Variants in KCNH1 observed in about 807,000 individuals in gnomAD.
The protein encoded by KCNH1 is potassium voltage-gated channel subfamily H member 1.
A neutral mutation model predicts 69.2 loss-of-function variants in KCNH1; 27 were observed. That is an observed-to-expected ratio of 0.39 (90% CI 0.29 to 0.54). The LOEUF (loss-of-function observed/expected upper bound fraction) is 0.54, where lower values mean the gene tolerates loss of function less well. Among genes scored for constraint, KCNH1 ranks in the 20% least tolerant of loss-of-function variants. The pLI is 0.68. For missense variants in KCNH1, 798 were observed against 1,261.6 expected (o/e 0.63, Z 5.57); for synonymous variants, 456 against 487.7 (o/e 0.93, Z 0.86).
chr1:211,018,574 G>T (rs1319962544), intron 6 of KCNH1, among the ~76,000 whole-genome samples: 1 of 152,146 alleles, frequency 6.6e-6, no homozygotes, highest in Non-Finnish European at 1.5e-5. Flanking sequence ...TAAGCCTTTG[G>T]TCTCTTCCAC....
chr1:210,996,271 G>T (rs143783644), intron 6 of KCNH1, among the ~76,000 whole-genome samples: 1,773 of 152,232 alleles, frequency 0.012, 39 homozygotes, highest in African/African-American at 0.04. Context: ...TGGAAAATCG[G>T]GTCACTCCCA....
At chr1:210,782,891 G>C (rs145819738) in intron 9 of KCNH1, among the ~76,000 whole-genome samples, 1,903 of 152,318 alleles carry the variant, frequency 0.012, 44 homozygotes, top group African/African-American at 0.042. Flanking sequence ...GGACTTCCCA[G>C]CATCCAGAAC....
chr1:210,785,361 G>T (rs944691923), intron 9 of KCNH1, among the ~76,000 whole-genome samples: 2 of 151,578 alleles, frequency 1.3e-5, no homozygotes, highest in Non-Finnish European at 2.9e-5. Flanking sequence ...AAACTTCTTG[G>T]TAGTCTTATT....
intron 10 of KCNH1, among the ~76,000 whole-genome samples, chr1:210,693,975 T>C (rs1183324425): frequency 6.6e-6 from 1 of 152,192 alleles, no homozygotes; most frequent in Non-Finnish European, 1.5e-5. Context: ...GGAGCCTGCT[T>C]GCCCGCTTAT....
intron 7 of KCNH1, among the ~76,000 whole-genome samples, chr1:210,886,720 A>G (rs979793318): frequency 2.0e-5 from 3 of 152,064 alleles, no homozygotes; most frequent in African/African-American, 7.2e-5. Context: ...GATGGAACTG[A>G]AAAACACACC....
chr1:210,958,288 T>A (rs114773435), intron 6 of KCNH1, among the ~76,000 whole-genome samples: 1 of 152,230 alleles, frequency 6.6e-6, no homozygotes, highest in African/African-American at 2.4e-5. Context: ...GCTGTTAGTC[T>A]GACAGGCGTC....
intron 6 of KCNH1, among the ~76,000 whole-genome samples, chr1:210,960,103 ATTAC>A (rs1359451346): frequency 1.3e-5 from 2 of 152,234 alleles, no homozygotes; most frequent in Admixed American, 6.5e-5. Flanking sequence ...TATTAAATTT[ATTAC>A]TTAATGTTCA....
At chr1:210,894,210 T>C (rs1040961291) in intron 7 of KCNH1, among the ~76,000 whole-genome samples, 3 of 152,218 alleles carry the variant, frequency 2.0e-5, no homozygotes, top group Non-Finnish European at 4.4e-5. Flanking sequence ...AGCTTTATTC[T>C]GGAACACAGT....
At chr1:210,832,559 G>T (rs908939603) in intron 7 of KCNH1, among the ~76,000 whole-genome samples, 2 of 152,008 alleles carry the variant, frequency 1.3e-5, no homozygotes, top group Non-Finnish European at 2.9e-5. Context: ...TATTTTAAAA[G>T]ATAACCAGGA....
chr1:210,705,837 C>T (rs902014457), intron 10 of KCNH1, among the ~76,000 whole-genome samples: 1 of 152,180 alleles, frequency 6.6e-6, no homozygotes, highest in Admixed American at 6.5e-5. Context: ...TCCCCAGTAT[C>T]TGGGCACCTC....
chr1:211,045,041 G>GATATATAGATAGATATATATATATATAT (rs1164564038), intron 5 of KCNH1, among the ~76,000 whole-genome samples: 14 of 81,718 alleles, frequency 1.7e-4, no homozygotes, highest in Non-Finnish European at 3.7e-4. Context: ...AATTGTGGGG[G>GATATATAGATAGATATATATATATATAT]ATATATATAT....
chr1:210,690,979 C>T lies in KCNH1; in HGVS notation c.2113-6841G>A, dbSNP rs557840535. Among the ~76,000 whole-genome samples the T allele has an allele frequency of 2.0e-5, 3 of 152,326 alleles. No individual in the cohort carries two copies. In the East Asian group the frequency reaches 5.8e-4, roughly 29 times the overall value. On this transcript the variant is annotated intron_variant, in intron 10 of 10. Transcript: ENST00000271751. ...TCAGCATGGGGTGATGGCATGTGCA[C>T]ACGCTTTGGAAGTCAGGCGGACTTG... is the stretch of plus-strand genomic sequence containing the variant.
intron 6 of KCNH1, among the ~76,000 whole-genome samples, chr1:210,949,903 A>G (rs1416539739): frequency 2.0e-5 from 3 of 152,232 alleles, no homozygotes; most frequent in East Asian, 1.9e-4. Flanking sequence ...TCAGCTAGGT[A>G]TAAGGAGGAT....
chr1:211,003,181 G>A (rs1451875681), intron 6 of KCNH1, among the ~76,000 whole-genome samples: 1 of 152,126 alleles, frequency 6.6e-6, no homozygotes, highest in African/African-American at 2.4e-5. Context: ...GCTGACACCT[G>A]AACCACAGAT....
At chr1:211,123,346 C>T (rs1474534888) in intron 1 of KCNH1, among the ~76,000 whole-genome samples, 1 of 152,166 alleles carries the variant, frequency 6.6e-6, no homozygotes, top group East Asian at 1.9e-4. Context: ...GTATCTTTGA[C>T]CACCTTGTTT....
chr1:211,108,272 A>T (rs796358025), intron 1 of KCNH1, among the ~76,000 whole-genome samples: 49 of 152,272 alleles, frequency 3.2e-4, no homozygotes, highest in African/African-American at 1.1e-3. Context: ...AAATGTAATC[A>T]TTATTTTAGT....
intron 4 of KCNH1, among the ~76,000 whole-genome samples, chr1:211,084,559 G>C (rs1476357386): frequency 6.6e-6 from 1 of 152,176 alleles, no homozygotes; most frequent in South Asian, 2.1e-4. Context: ...TCACTCTCTG[G>C]CCTAGCCCTG....
chr1:211,107,448 T>C, intron 1 of KCNH1, 71 bp from the exon 2 acceptor site: 1 of 1,451,878 alleles, frequency 6.9e-7, no homozygotes, highest in Non-Finnish European at 9.5e-7. Context: ...AATGAGGACA[T>C]AAATAATGTC....
intron 6 of KCNH1, among the ~76,000 whole-genome samples, chr1:210,947,897 A>C (rs1322216244): frequency 6.6e-6 from 1 of 152,024 alleles, no homozygotes; most frequent in Non-Finnish European, 1.5e-5. Context: ...TTATCACATG[A>C]GTTTTTGTCA....
Sources: gnomAD v4.1 joint callset for allele counts (sites outside exome capture counted in the v4.1 genomes callset) on GRCh38, gnomAD v4.1.1 for gene constraint, MANE v1.5 for transcripts, NCBI Gene and HGNC (gene_info 2026-07-23, HGNC 2026-07-21) for gene names.